The following DTNA variants were observed in gnomAD, a reference collection of about 807,000 sequenced individuals.
DTNA encodes dystrophin-related protein 3.
In DTNA, 43 loss-of-function variants were observed where a neutral mutation model predicts 100.7. The observed-to-expected ratio is 0.43, with a 90% CI of 0.33 to 0.55. The LOEUF (loss-of-function observed/expected upper bound fraction) is 0.55. Ranked by LOEUF, DTNA falls within the 20% of genes least tolerant of loss-of-function variation. The pLI is 0.04. For missense variants in DTNA, 798 were observed against 953.9 expected (o/e 0.84, Z 2.15); for synonymous variants, 349 against 347.9 (o/e 1.00, Z -0.04).
At chr18:34,511,697 C>T (rs2041108983) in intron 1 of DTNA, among the ~76,000 whole-genome samples, 1 of 152,024 alleles carries the variant, frequency 6.6e-6, no homozygotes, top group Non-Finnish European at 1.5e-5. Flanking sequence ...CTAACTTAAC[C>T]TCTCCAGAAC....
At chr18:34,855,847 A>G (rs1216034925) in intron 15 of DTNA, among the ~76,000 whole-genome samples, 1 of 152,166 alleles carries the variant, frequency 6.6e-6, no homozygotes, top group Non-Finnish European at 1.5e-5. Context: ...TTTCCCTTCC[A>G]ATACTCTGCT....
At position 34,811,987 on chromosome 18, in the gene DTNA, T is replaced by A; in HGVS notation, c.477T>A (p.Ser159Arg). Residue 159 changes from serine to arginine, a missense_variant, in exon 6 of 23, where the codon AGT becomes AGA. Ser to Arg is a moderately radical substitution (Grantham distance 110). Around this residue, in one of 6 missense-constraint regions of DTNA, gnomAD observed 197 missense variants for 215.4 expected, o/e 0.91. Coordinates refer to ENST00000444659, the MANE Select transcript of DTNA (RefSeq NM_001386795.1). ...TTTTCTCAATGATTTCTGACTCCAG[T>A]GGGGTGATGGTTTATGGACGATATG... ...RYIFSMISDS[S>R]GVMVYGRYDQ... 1 of 1,614,034 alleles carries A rather than the reference T, an allele frequency of 6.2e-7. No homozygotes were observed. Among genetic ancestry groups the A allele is most frequent in the Non-Finnish European group, 8.5e-7 (1 of 1,179,942 alleles).
At chr18:34,523,463 T>C (rs1014232682) in intron 1 of DTNA, among the ~76,000 whole-genome samples, 1 of 152,146 alleles carries the variant, frequency 6.6e-6, no homozygotes, top group Non-Finnish European at 1.5e-5. Context: ...ATAATAATTA[T>C]TAAAAAGTGT....
At chr18:34,824,950 AAAATTAAATC>A in intron 9 of DTNA, among the ~76,000 whole-genome samples, 1 of 138,714 alleles carries the variant, frequency 7.2e-6, no homozygotes, top group Middle Eastern at 3.5e-3. Context: ...AAAAAAAAAA[AAAATTAAATC>A]AATAGGATTT....
intron 1 of DTNA, among the ~76,000 whole-genome samples, chr18:34,646,928 A>G (rs556802248): frequency 3.9e-5 from 6 of 151,988 alleles, no homozygotes; most frequent in South Asian, 4.2e-4. Context: ...GTTGGCTAAG[A>G]TGGTCTCGAT....
intron 7 of DTNA, chr18:34,817,916 T>C (rs529563111): frequency 2.3e-6 from 3 of 1,330,668 alleles, no homozygotes; most frequent in South Asian, 1.5e-5. Flanking sequence ...GCAAATGGCA[T>C]TACAGAGATT....
intron 1 of DTNA, among the ~76,000 whole-genome samples, chr18:34,514,605 T>C (rs923963731): frequency 6.6e-6 from 1 of 152,040 alleles, no homozygotes; most frequent in Non-Finnish European, 1.5e-5. Context: ...TAGCAAAATA[T>C]CATAAGCTGG....
At chr18:34,852,592 C>T (rs1233206820) in intron 15 of DTNA, among the ~76,000 whole-genome samples, 3 of 152,150 alleles carry the variant, frequency 2.0e-5, no homozygotes, top group African/African-American at 7.2e-5. Context: ...CAGTTAAATC[C>T]TACTCCTCTT....
In DTNA at chr18:34,889,751, A is replaced by G; in HGVS notation, c.*2017A>G. ...TATCCCTTGACATACTTAATCATAT[A>G]TCTCTCCAGAGAACTCACCTGACAA... On this transcript the variant is annotated 3_prime_UTR_variant, in exon 23 of 23. Transcript: ENST00000444659. The G allele has an allele frequency of 8.1e-6, 8 of 986,244 alleles. No individual in the cohort carries two copies. The highest frequency in any genetic ancestry group is 9.6e-6 in the Non-Finnish European group (8 of 830,254). 61.1% of individuals were successfully genotyped at this position (986,244 alleles called of 1,614,324 possible).
At chr18:34,625,321 G>T (rs112719012) in intron 1 of DTNA, among the ~76,000 whole-genome samples, 169 of 152,200 alleles carry the variant, frequency 1.1e-3, no homozygotes, top group African/African-American at 3.7e-3. Flanking sequence ...GAGCCACCAC[G>T]CCTGGCCCAC....
At chr18:34,740,806 A>G (rs2090505749) in intron 1 of DTNA, among the ~76,000 whole-genome samples, 1 of 149,034 alleles carries the variant, frequency 6.7e-6, no homozygotes, top group South Asian at 2.1e-4. Context: ...AAAAACAGGA[A>G]AAAAAAAAAA....
chr18:34,839,015 C>T (rs922180257), intron 13 of DTNA, among the ~76,000 whole-genome samples, 178 bp downstream of exon 13: 4 of 152,126 alleles, frequency 2.6e-5, no homozygotes, highest in African/African-American at 9.7e-5. Context: ...CATGAAGGAA[C>T]CATAGGATTC....
At chr18:34,846,480 G>C (rs2096380470) in intron 13 of DTNA, among the ~76,000 whole-genome samples, 1 of 152,082 alleles carries the variant, frequency 6.6e-6, no homozygotes. Flanking sequence ...CTCTTTTTCT[G>C]AGGAGGGAGA....
intron 1 of DTNA, among the ~76,000 whole-genome samples, chr18:34,727,871 A>T (rs2087077728): frequency 6.6e-6 from 1 of 152,146 alleles, no homozygotes; most frequent in Non-Finnish European, 1.5e-5. Context: ...AGCGCCTAAA[A>T]TGTCTTATAA....
chr18:34,508,993 A>G (rs2040770179), intron 1 of DTNA, among the ~76,000 whole-genome samples: 1 of 152,030 alleles, frequency 6.6e-6, no homozygotes, highest in Non-Finnish European at 1.5e-5. Context: ...GTTCCTCACC[A>G]CCAGTTGTCT....
chr18:34,592,505 C>CACACA (rs3223433), intron 1 of DTNA, among the ~76,000 whole-genome samples: 4 of 143,050 alleles, frequency 2.8e-5, no homozygotes, highest in African/African-American at 9.9e-5. Context: ...CACACACACA[C>CACACA]ATTTTGTTTT....
chr18:34,628,497 C>G (rs1490436588), intron 1 of DTNA, among the ~76,000 whole-genome samples: 1 of 152,186 alleles, frequency 6.6e-6, no homozygotes, highest in Non-Finnish European at 1.5e-5. Context: ...TTGGCCTGTA[C>G]TTACACAATG....
intron 1 of DTNA, among the ~76,000 whole-genome samples, chr18:34,504,502 AC>A (rs2040293108): frequency 6.6e-6 from 1 of 151,972 alleles, no homozygotes. Context: ...TTCTCTAGCC[AC>A]CCTTTGTGAG....
chr18:34,820,793 A>G lies in DTNA; in HGVS notation c.879A>G (p.Lys293=), dbSNP rs2095695910. 6.2e-7 allele frequency: 1 copy of G among 1,614,186 alleles called. No individual in the cohort carries two copies. Among genetic ancestry groups the G allele is most frequent in the Non-Finnish European group, 8.5e-7 (1 of 1,180,002 alleles). The part of the protein sequence containing the change: ...QHQMKEYTSW[K]SPAKKLTNAL... The stretch of plus-strand genomic sequence containing the variant: ...TCTGCCTTCCTTCTTCTTTCCAGAA[A>G]TCACCTGCTAAGAAGCTGACTAATG... Residue 293 remains lysine (K), a splice_region_variant and synonymous_variant, in exon 9 of 23, where the codon AAA becomes AAG. Transcript: ENST00000444659.
Sources: allele counts gnomAD v4.1 joint callset (sites outside exome capture counted in the v4.1 genomes callset), GRCh38; gene constraint gnomAD v4.1.1; regional missense constraint gnomAD v4.1.1; transcripts MANE v1.5; gene names NCBI Gene and HGNC (gene_info 2026-07-23, HGNC 2026-07-21).